The following SMIM21 variants were observed in gnomAD, a reference collection of about 807,000 sequenced individuals.
SMIM21 encodes chromosome 18 open reading frame 62.
Under a neutral mutation model 8.6 loss-of-function variants are expected in SMIM21, and 8 were observed. The ratio of observed to expected loss-of-function variants is 0.93; its 90% CI spans 0.55 to 1.68. The LOEUF (loss-of-function observed/expected upper bound fraction) is 1.68. SMIM21 is among the 40% of genes most tolerant of loss of function. The probability of loss-of-function intolerance (pLI) is 0.00; values close to 1 mark genes in which losing one functional copy is unlikely to be tolerated. For missense variants in SMIM21, 132 were observed against 123.0 expected (o/e 1.07, Z -0.35); for synonymous variants, 43 against 41.7 (o/e 1.03, Z -0.12).
chr18:75,417,375 A>G (rs776393134), intron 2 of SMIM21: 1 of 152,220 alleles, frequency 6.6e-6, no homozygotes, highest in Non-Finnish European at 1.5e-5. Flanking sequence ...GTTGGAATCC[A>G]TAAGGCCTAC....
At chr18:75,421,924 G>A (rs1441036564) in intron 1 of SMIM21, among the ~76,000 whole-genome samples, 2 of 152,146 alleles carry the variant, frequency 1.3e-5, no homozygotes, top group Non-Finnish European at 2.9e-5. Context: ...GTATTATCAT[G>A]CAAGTAATTT....
At chr18:75,410,998 C>G (rs2024578184) in intron 2 of SMIM21, 89 bp from the exon 3 acceptor site, 2 of 1,515,952 alleles carry the variant, frequency 1.3e-6, no homozygotes, top group African/African-American at 1.4e-5. Context: ...TTGTTTTTAT[C>G]TAATGAACAC....
intron 2 of SMIM21, among the ~76,000 whole-genome samples, chr18:75,413,409 T>C (rs1031557105): frequency 2.0e-5 from 3 of 152,230 alleles, no homozygotes; most frequent in Admixed American, 1.3e-4. Context: ...GTCTCTGGCT[T>C]GTATCTGGAG....
chr18:75,415,978 GT>G (rs2024639851), intron 2 of SMIM21: 1 of 152,182 alleles, frequency 6.6e-6, no homozygotes, highest in Non-Finnish European at 1.5e-5. Context: ...TGCAGGCAAT[GT>G]TTACTGTTAC....
intron 2 of SMIM21, among the ~76,000 whole-genome samples, chr18:75,413,052 G>A (rs2024599874): frequency 6.6e-6 from 1 of 152,102 alleles, no homozygotes; most frequent in Admixed American, 6.5e-5. Flanking sequence ...CTGATTATGA[G>A]ACACTCAAAA....
rs755650893 is a variant in SMIM21, at chr18:75,427,574, C to T, written c.-11G>A. The T allele has an allele frequency of 8.8e-6, 14 of 1,586,668 alleles. No homozygotes were observed. Among genetic ancestry groups the T allele is most frequent in the East Asian group, 6.8e-5 (3 of 44,374 alleles). On this transcript the variant is annotated 5_prime_UTR_variant, in exon 1 of 3. Coordinates refer to ENST00000579022, the MANE Select transcript of SMIM21 (RefSeq NM_001037331.3). ...CACATACTGGTCCATGTGGGGGCTGCGGCGGTGACCAGTGAGAGGTCTCCT... is the reference window on the plus strand; with the variant it reads ...CACATACTGGTCCATGTGGGGGCTGTGGCGGTGACCAGTGAGAGGTCTCCT...
intron 1 of SMIM21, among the ~76,000 whole-genome samples, chr18:75,425,324 A>T (rs578177756): frequency 2.6e-5 from 4 of 152,326 alleles, no homozygotes; most frequent in African/African-American, 9.6e-5. Flanking sequence ...CTAAGAAGAA[A>T]TTAAATGTGA....
intron 1 of SMIM21, among the ~76,000 whole-genome samples, chr18:75,424,380 T>G (rs76520024): frequency 0.02 from 2,972 of 152,322 alleles, 106 homozygotes; most frequent in African/African-American, 0.068. Flanking sequence ...AGAAATCTGA[T>G]GAATAATATA....
chr18:75,413,910 A>G (rs2024610032), intron 2 of SMIM21, among the ~76,000 whole-genome samples: 1 of 152,206 alleles, frequency 6.6e-6, no homozygotes, highest in Non-Finnish European at 1.5e-5. Context: ...CAAATAAATG[A>G]CATATAGGCA....
chr18:75,419,793 A>G (rs926347759), intron 1 of SMIM21, among the ~76,000 whole-genome samples: 6 of 152,208 alleles, frequency 3.9e-5, no homozygotes, highest in African/African-American at 1.4e-4. Context: ...CCTTAAGCTA[A>G]CAAATGAGAA....
At chr18:75,418,474 C>G (rs2024672087) in intron 2 of SMIM21, among the ~76,000 whole-genome samples, 2 of 152,214 alleles carry the variant, frequency 1.3e-5, no homozygotes, top group Admixed American at 6.5e-5. Context: ...TTTGCAGGCT[C>G]TCACTGACGA....
chr18:75,414,590 G>T (rs1376228662), intron 2 of SMIM21, among the ~76,000 whole-genome samples: 3 of 152,184 alleles, frequency 2.0e-5, no homozygotes, highest in Non-Finnish European at 2.9e-5. Flanking sequence ...TGGCTAAGGA[G>T]AATGTATTCA....
intron 1 of SMIM21, among the ~76,000 whole-genome samples, chr18:75,421,239 G>T (rs915270965): frequency 6.6e-6 from 1 of 152,192 alleles, no homozygotes; most frequent in Non-Finnish European, 1.5e-5. Flanking sequence ...AATTCCTAAT[G>T]GCAATGCTTC....
chr18:75,411,577 T>C (rs569789657), intron 2 of SMIM21, among the ~76,000 whole-genome samples: 2 of 152,350 alleles, frequency 1.3e-5, no homozygotes, highest in South Asian at 4.1e-4. Context: ...TGGAGACAGC[T>C]CAGGGGTGGC....
At chr18:75,413,758 C>T (rs2024607754) in intron 2 of SMIM21, among the ~76,000 whole-genome samples, 1 of 152,076 alleles carries the variant, frequency 6.6e-6, no homozygotes, top group Non-Finnish European at 1.5e-5. Flanking sequence ...TGTATAAGGG[C>T]CATCCTTGCT....
chr18:75,412,371 CTGAGT>C (rs2024593805), intron 2 of SMIM21: 1 of 152,108 alleles, frequency 6.6e-6, no homozygotes, highest in African/African-American at 2.4e-5. Flanking sequence ...TATATAAAAC[CTGAGT>C]TGAGCAAGAT....
chr18:75,412,165 G>T (rs964335111), intron 2 of SMIM21, among the ~76,000 whole-genome samples: 1 of 152,192 alleles, frequency 6.6e-6, no homozygotes, highest in Non-Finnish European at 1.5e-5. Flanking sequence ...GCCTTCAACA[G>T]ATGAAGCCCA....
chr18:75,422,863 CTAAAATTAGT>C (rs1180763188), intron 1 of SMIM21, among the ~76,000 whole-genome samples: 1 of 152,126 alleles, frequency 6.6e-6, no homozygotes, highest in African/African-American at 2.4e-5. Flanking sequence ...TAAAAATATT[CTAAAATTAGT>C]TATGGTAAAA....
At chr18:75,411,243 G>C (rs1599101551) in intron 2 of SMIM21, among the ~76,000 whole-genome samples, 1 of 152,278 alleles carries the variant, frequency 6.6e-6, no homozygotes, top group South Asian at 2.1e-4. Context: ...GATAGAAGTC[G>C]AGTATATGCG....
Sources: gnomAD v4.1 joint callset for allele counts (sites outside exome capture counted in the v4.1 genomes callset) on GRCh38, gnomAD v4.1.1 for gene constraint, MANE v1.5 for transcripts, NCBI Gene and HGNC (gene_info 2026-07-23, HGNC 2026-07-21) for gene names.